ANK1: variants seen among roughly 807,000 people sequenced by gnomAD.
The protein encoded by ANK1 is ankyrin 1.
In ANK1, 51 loss-of-function variants were observed where a neutral mutation model predicts 210.4. The ratio of observed to expected loss-of-function variants is 0.24; its 90% confidence interval spans 0.19 to 0.31. The LOEUF (loss-of-function observed/expected upper bound fraction) is 0.31, where lower values mean the gene tolerates loss of function less well. Among genes scored for constraint, ANK1 ranks in the 10% least tolerant of loss-of-function variants. The pLI is 1.00. For synonymous variants in ANK1, 967 were observed against 1,025.9 expected (o/e 0.94, Z 1.10); for missense variants, 2,051 against 2,504.4 (o/e 0.82, Z 3.86).
At chr8:41,761,265 G>A (rs180941588) in intron 1 of ANK1, among the ~76,000 whole-genome samples, 96 of 150,414 alleles carry the variant, frequency 6.4e-4, no homozygotes, top group Non-Finnish European at 1.0e-3. Flanking sequence ...ATACACAGAC[G>A]TGTGTGCACA....
chr8:41,805,605 TA>T (rs1171364497), intron 1 of ANK1, among the ~76,000 whole-genome samples: 2 of 152,184 alleles, frequency 1.3e-5, no homozygotes, highest in Non-Finnish European at 2.9e-5. Flanking sequence ...TATCAGAAAT[TA>T]AAACTGAGAG....
At position 41,797,599 on chromosome 8, in the gene ANK1, G is replaced by T; in HGVS notation, c.-61C>A. On this transcript the variant is annotated 5_prime_UTR_variant, in exon 1 of 43. Coordinates refer to ENST00000289734, the MANE Select transcript of ANK1 (RefSeq NM_000037.4). This position sits in a 1 kb window ranked among gnomAD's most constrained non-coding sequence, Gnocchi z 4.0. ...GGGGGCTTGAGGAGGAGCAGCTGGG[G>T]CTGGCGGACTCACCGCAGCCTCTGC... 1 of 1,607,384 alleles carries T rather than the reference G, an allele frequency of 6.2e-7. No individual in the cohort carries two copies. Among genetic ancestry groups the T allele is most frequent in the Non-Finnish European group, 8.5e-7 (1 of 1,177,928 alleles).
rs562428856 is a variant in ANK1, at chr8:41,704,767, C to T, written c.2098-295G>A. Among the ~76,000 whole-genome samples the T allele has an allele frequency of 6.6e-6, 1 of 152,092 alleles. No homozygotes were observed. Among genetic ancestry groups the T allele is most frequent in the South Asian group, 2.1e-4 (1 of 4,800 alleles). ...GAGAGCTTTGGAGGTGAGTGAGGTC[C>T]CCCAGAATAAAGTGGAGGGTGAAAA... On this transcript the variant is annotated intron_variant, in intron 18 of 42. Coordinates refer to ENST00000289734, the MANE Select transcript of ANK1 (RefSeq NM_000037.4). This position sits in a 1 kb window ranked among gnomAD's most constrained non-coding sequence, Gnocchi z 4.1.
chr8:41,870,356 C>T (rs1815238065), intron 1 of ANK1, among the ~76,000 whole-genome samples: 3 of 152,176 alleles, frequency 2.0e-5, no homozygotes, highest in African/African-American at 7.2e-5. Flanking sequence ...GGCCGAGTCA[C>T]CTTCTCCATC....
intron 39 of ANK1, chr8:41,665,225 C>A: frequency 6.6e-7 from 1 of 1,520,788 alleles, no homozygotes. Context: ...TCGGCTGAAG[C>A]AGCCCGGCCC....
intron 20 of ANK1, 94 bp from the exon 21 acceptor site, chr8:41,702,238 T>C: frequency 9.4e-7 from 1 of 1,061,006 alleles, no homozygotes; most frequent in South Asian, 1.4e-5. Flanking sequence ...CACCTTCTAG[T>C]TGTTCAGGAG....
At chr8:41,864,804 C>T (rs1814036540) in intron 1 of ANK1, among the ~76,000 whole-genome samples, 1 of 152,114 alleles carries the variant, frequency 6.6e-6, no homozygotes. Context: ...ACTGATCGCC[C>T]CTCCCTCGGC....
chr8:41,850,289 T>C (rs1810991636), intron 1 of ANK1, among the ~76,000 whole-genome samples: 1 of 151,996 alleles, frequency 6.6e-6, no homozygotes, highest in East Asian at 1.9e-4. Flanking sequence ...AATGCTTAAG[T>C]GGGGCTAACG....
intron 1 of ANK1, among the ~76,000 whole-genome samples, chr8:41,759,506 A>AAAACAAAC (rs10530329): frequency 0.16 from 24,037 of 151,760 alleles, 2,256 homozygotes; most frequent in South Asian, 0.23. Flanking sequence ...CTCCGTCTCA[A>AAAACAAAC]AAACAAACAA....
intron 29 of ANK1, 88 bp from the exon 30 acceptor site, chr8:41,693,289 G>T: frequency 2.6e-6 from 3 of 1,173,490 alleles, no homozygotes; most frequent in Admixed American, 1.7e-5. Flanking sequence ...GGTGTGCAAG[G>T]TGAGACTGGG....
chr8:41,668,618 T>G (rs1045376486), intron 38 of ANK1, 54 bp from the exon 39 acceptor site: 27 of 1,549,012 alleles, frequency 1.7e-5, no homozygotes, highest in Non-Finnish European at 2.4e-5. Context: ...AAAAGACACC[T>G]GGTCACCCAT....
chr8:41,807,320 A>G (rs909206413), intron 1 of ANK1, among the ~76,000 whole-genome samples: 2 of 152,220 alleles, frequency 1.3e-5, no homozygotes, highest in African/African-American at 4.8e-5. Context: ...GGAGACTTCA[A>G]TCCAAGTCTC....
intron 1 of ANK1, among the ~76,000 whole-genome samples, chr8:41,855,169 G>A (rs967990763): frequency 6.6e-6 from 1 of 152,226 alleles, no homozygotes; most frequent in African/African-American, 2.4e-5. Context: ...TAGTTGACCA[G>A]ATGATTGACA....
In ANK1 at chr8:41,829,460, A is replaced by G. The variant is rs552563598; in HGVS notation, c.126+66895T>C. The G allele has an allele frequency of 2.0e-5, 3 of 152,448 alleles. No homozygotes were observed. The East Asian group carries it at 5.8e-4, about 29-fold the overall frequency. 9.4% of individuals were successfully genotyped at this position (152,448 alleles called of 1,614,324 possible). ...TTAAGTGCTACTTGCTCAAGGCCAC[A>G]GCAGGGAGTGGAGCTGGATTCGCTC... On this transcript the variant is annotated intron_variant, in intron 1 of 42. Transcript: ENST00000265709.
At chr8:41,719,425 C>T (rs74419569) in intron 10 of ANK1, among the ~76,000 whole-genome samples, 2,985 of 152,312 alleles carry the variant, frequency 0.02, 58 homozygotes, top group Non-Finnish European at 0.029. Context: ...CATCCCTGAC[C>T]TCGGCCTGGT....
intron 1 of ANK1, among the ~76,000 whole-genome samples, chr8:41,878,571 A>T (rs1485706671): frequency 2.0e-5 from 3 of 152,240 alleles, no homozygotes; most frequent in Non-Finnish European, 2.9e-5. Context: ...CATGAAAACG[A>T]TTTTACAGCC....
At chr8:41,786,404 G>T (rs189632105) in intron 1 of ANK1, among the ~76,000 whole-genome samples, 41 of 152,294 alleles carry the variant, frequency 2.7e-4, no homozygotes, top group Non-Finnish European at 4.9e-4. Flanking sequence ...TATTGGTAAA[G>T]AAATAAACAA....
chr8:41,878,781 G>T (rs1474519451), intron 1 of ANK1, among the ~76,000 whole-genome samples: 1 of 152,130 alleles, frequency 6.6e-6, no homozygotes, highest in Non-Finnish European at 1.5e-5. Context: ...ATAAAAGAGG[G>T]GCCAGGCGTG....
intron 38 of ANK1, 123 bp downstream of exon 38, chr8:41,672,231 C>T: frequency 9.5e-7 from 1 of 1,053,566 alleles, no homozygotes; most frequent in East Asian, 2.5e-5. Flanking sequence ...TGTATGTGCT[C>T]CTGTGCAATT....
Sources: gnomAD v4.1 joint callset for allele counts (sites outside exome capture counted in the v4.1 genomes callset) on GRCh38, gnomAD v4.1.1 for gene constraint, Gnocchi (gnomAD v3.1) non-coding constraint, MANE v1.5 for transcripts, NCBI Gene and HGNC (gene_info 2026-07-23, HGNC 2026-07-21) for gene names.